The following RASGRP2 variants were observed in gnomAD, a reference collection of about 807,000 sequenced individuals.
The protein encoded by RASGRP2 is RAS guanyl releasing protein 2, also known as RAS guanyl-releasing protein 2.
Under a neutral mutation model 71.0 loss-of-function variants are expected in RASGRP2, and 44 were observed. The ratio of observed to expected loss-of-function variants is 0.62; its 90% CI spans 0.49 to 0.80. RASGRP2 has a LOEUF of 0.80. Ranked by LOEUF, RASGRP2 falls within the 30% of genes least tolerant of loss-of-function variation. The pLI is 0.00. For missense variants in RASGRP2, 663 were observed against 813.4 expected, an observed-to-expected ratio of 0.82 and a Z score of 2.25; for synonymous variants, 350 against 330.7, an observed-to-expected ratio of 1.06 and a Z score of -0.63.
chr11:64,728,197 T>TC (rs1221649229), intron 15 of RASGRP2, among the ~76,000 whole-genome samples: 2 of 152,140 alleles, frequency 1.3e-5, no homozygotes, highest in African/African-American at 4.8e-5. Flanking sequence ...CAAGGGACTT[T>TC]CCCCAGAAGA....
At position 64,739,334 on chromosome 11, in the gene RASGRP2, A is replaced by C; in HGVS notation, c.813+26T>G. 6.4e-7 allele frequency: 1 copy of C among 1,572,898 alleles called. No individual in the cohort carries two copies. The highest frequency in any genetic ancestry group is 8.8e-7 in the Non-Finnish European group (1 of 1,142,516). On this transcript the variant is annotated intron_variant, in intron 8 of 16. Transcript: ENST00000394432. The surrounding 1 kb of genome is among the most constrained non-coding windows in gnomAD (Gnocchi z 4.2). ...CCCAGTGAAGACAGACCTGGGAAGC[A>C]CCGGCCCCTCCCCAGTCCCAGGCAC...
intron 13 of RASGRP2, 65 bp from the exon 14 acceptor site, chr11:64,729,863 C>T: frequency 6.2e-7 from 1 of 1,602,544 alleles, no homozygotes; most frequent in Non-Finnish European, 8.5e-7. Context: ...CTTCTTCCTT[C>T]TTGAGGGTGA....
Position 64,735,423 on chromosome 11 carries a change from C to T in RASGRP2, c.1296+119G>A. The T allele has an allele frequency of 6.4e-7, 1 of 1,570,130 alleles. No homozygotes were observed. The highest frequency in any genetic ancestry group is 8.7e-7 in the Non-Finnish European group (1 of 1,148,730). ...CCCCGTGCAGCTGGCCTGCCAGGCC[C>T]TGTGACTCCTAGGGGCTGAGTGCTG... On this transcript the variant is annotated intron_variant, in intron 11 of 16. Coordinates refer to ENST00000394432, the MANE Select transcript of RASGRP2 (RefSeq NM_001098671.2). The surrounding 1 kb of genome is among the most constrained non-coding windows in gnomAD (Gnocchi z 4.2).
rs757918129 is a variant in RASGRP2 at position 64,741,108 on chromosome 11, G to A, written c.240-29C>T. ...GAGGAGCGGGGAGTCACCCAAGATA[G>A]CCCTTCCCCCACCATCACCCAGCAG... On this transcript the variant is annotated intron_variant, in intron 4 of 16. Coordinates refer to ENST00000394432, the MANE Select transcript of RASGRP2 (RefSeq NM_001098671.2). The A allele has an allele frequency of 1.4e-5, 22 of 1,608,900 alleles. No homozygotes were observed. The East Asian group carries it at 4.9e-4, about 36-fold the overall frequency.
rs1453808928 is a variant in RASGRP2 at position 64,741,487 on chromosome 11, C to T, written c.191G>A (p.Arg64Gln). The change falls in exon 4 of 17, where the codon CGG (arginine) becomes CAG (glutamine). Residue 64 changes from arginine to glutamine, a missense_variant. Physicochemically the swap from Arg to Gln is conservative, Grantham distance 43. Transcript: ENST00000394432. Reference protein sequence around the residue: ...AKLLHIYQQSRKDNSNSLQVK... With the variant: ...AKLLHIYQQSQKDNSNSLQVK... ...CTGCAGGGAATTGGAGTTGTCCTTC[C>T]GGGATTGTTGGTAGGTGAAGGAGAG... 3 of 1,580,788 alleles carry T rather than the reference C, an allele frequency of 1.9e-6. No individual in the cohort carries two copies. Among genetic ancestry groups the T allele is most frequent in the African/African-American group, 1.3e-5 (1 of 74,492 alleles).
intron 8 of RASGRP2, chr11:64,737,362 G>A (rs936898092): frequency 3.7e-5 from 14 of 378,574 alleles, no homozygotes; most frequent in South Asian, 1.7e-4. Flanking sequence ...CAGCCACCCC[G>A]TCCAAACAGC....
chr11:64,728,504 T>G (rs970130974), intron 15 of RASGRP2, among the ~76,000 whole-genome samples: 1 of 152,076 alleles, frequency 6.6e-6, no homozygotes, highest in African/African-American at 2.4e-5. Context: ...CTCGGCTCAC[T>G]GCAAGCCCCG....
chr11:64,731,549 A>G (rs1723057977), intron 12 of RASGRP2, among the ~76,000 whole-genome samples: 1 of 152,180 alleles, frequency 6.6e-6, no homozygotes, highest in African/African-American at 2.4e-5. Context: ...TTGCAAACAC[A>G]TTCAACAGCA....
At position 64,742,641 on chromosome 11, in the gene RASGRP2, G is replaced by A; in HGVS notation, c.73+153C>T. 1.0e-6 allele frequency: 1 copy of A among 987,394 alleles called. No homozygotes were observed. The highest frequency in any genetic ancestry group is 2.6e-5 in the East Asian group (1 of 38,048). 61.2% of individuals were successfully genotyped at this position (987,394 alleles called of 1,614,324 possible). On this transcript the variant is annotated intron_variant, in intron 2 of 16. Coordinates refer to ENST00000394432, the MANE Select transcript of RASGRP2 (RefSeq NM_001098671.2). The surrounding 1 kb of genome is among the most constrained non-coding windows in gnomAD (Gnocchi z 4.7). The stretch of plus-strand genomic sequence containing the variant: ...AAGGGCGTGCATCTCTCTGCCCTGC[G>A]TTGCGGAGGAGGCTTTCGTTAAAGA...
chr11:64,729,836 T>TA, intron 13 of RASGRP2, 38 bp from the exon 14 acceptor site: 1 of 1,611,834 alleles, frequency 6.2e-7, no homozygotes, highest in African/African-American at 1.3e-5. Context: ...AGGAGGGATT[T>TA]AGAGGTGATG....
At chr11:64,730,789 C>T (rs2057740286) in intron 12 of RASGRP2, among the ~76,000 whole-genome samples, 4 of 152,354 alleles carry the variant, frequency 2.6e-5, no homozygotes, top group Non-Finnish European at 2.9e-5. Context: ...TGACCTGTAG[C>T]GGAGTAATCT....
chr11:64,741,961 G>A (rs748988736), intron 3 of RASGRP2, 49 bp downstream of exon 3: 4 of 1,496,738 alleles, frequency 2.7e-6, no homozygotes, highest in Admixed American at 1.8e-5. Flanking sequence ...CAGAGGGGCT[G>A]CGCATGGGCT....
At chr11:64,729,357 A>G (rs1327671321) in intron 14 of RASGRP2, among the ~76,000 whole-genome samples, 1 of 120,050 alleles carries the variant, frequency 8.3e-6, no homozygotes, top group Non-Finnish European at 1.8e-5. Context: ...TTTTTTTTTG[A>G]GACAGAGCCC....
In RASGRP2 at chr11:64,739,397, T is replaced by C. The variant is rs1202874110; in HGVS notation, c.776A>G (p.Lys259Arg). The C allele has an allele frequency of 6.2e-7, 1 of 1,614,158 alleles. No individual in the cohort carries two copies. Among genetic ancestry groups the C allele is most frequent in the Admixed American group, 1.7e-5 (1 of 60,020 alleles). The change falls in exon 8 of 17, where the codon AAG becomes AGG. Residue 259 changes from lysine to arginine, a missense_variant. Lys to Arg is a conservative substitution (Grantham distance 26). Transcript: ENST00000394432. This position sits in a 1 kb window ranked among gnomAD's most constrained non-coding sequence, Gnocchi z 4.2. ...AGGGCTAACGTGGCTGTGGGTCTCC[T>C]TGAGGCGGGAGATGGAGCTGTGGCT... ...GLSHSSISRL[K>R]ETHSHVSPET...
intron 12 of RASGRP2, among the ~76,000 whole-genome samples, chr11:64,732,597 C>T (rs1038501303): frequency 2.0e-5 from 3 of 151,920 alleles, no homozygotes; most frequent in Admixed American, 2.0e-4. Flanking sequence ...GTCGAGACCA[C>T]GGTGAAACCC....
At chr11:64,728,598 T>C (rs1052100813) in intron 15 of RASGRP2, among the ~76,000 whole-genome samples, 6 of 151,988 alleles carry the variant, frequency 3.9e-5, no homozygotes, top group Non-Finnish European at 7.4e-5. Flanking sequence ...TGGCTAATTT[T>C]TTTTTTTTGT....
intron 15 of RASGRP2, among the ~76,000 whole-genome samples, chr11:64,728,024 G>A (rs2057629729): frequency 6.6e-6 from 1 of 152,096 alleles, no homozygotes; most frequent in Non-Finnish European, 1.5e-5. Context: ...GTTTTTTGAG[G>A]ACTTATGCCA....
At position 64,742,366 on chromosome 11, in the gene RASGRP2, G is replaced by A. The variant is rs550412229; in HGVS notation, c.74-254C>T. ...CATCGTCCGGAGGGGAACCAGCTGGGGCGGAAGGAGCCTGGGTTCCCCGGG... is the reference window on the plus strand; with the variant it reads ...CATCGTCCGGAGGGGAACCAGCTGGAGCGGAAGGAGCCTGGGTTCCCCGGG... On this transcript the variant is annotated intron_variant, in intron 2 of 16. Transcript: ENST00000394432. This position sits in a 1 kb window ranked among gnomAD's most constrained non-coding sequence, Gnocchi z 4.7. 4 of 591,972 alleles carry A rather than the reference G, an allele frequency of 6.8e-6. No individual in the cohort carries two copies. The highest frequency in any genetic ancestry group is 1.2e-5 in the Non-Finnish European group (4 of 330,648). 36.7% of individuals were successfully genotyped at this position (591,972 alleles called of 1,614,324 possible).
rs1405966429 is a variant in RASGRP2, at chr11:64,728,928, C to A, written c.1706G>T (p.Ser569Ile). 6.2e-7 allele frequency: 1 copy of A among 1,613,206 alleles called. No homozygotes were observed. The highest frequency in any genetic ancestry group is 1.3e-5 in the African/African-American group (1 of 75,074). Residue 569 changes from serine to isoleucine, a missense_variant, in exon 15 of 17, where the codon AGC (serine) becomes ATC (isoleucine). Transcript: ENST00000394432. ...GSAPSPSPMH[S>I]HHHRAFSFSL... ...GAAGCTGAAGGCGCGGTGATGGTGG[C>A]TGTGCATGGGTGAGGGTGAGGGTGC... is the stretch of plus-strand genomic sequence containing the variant.
Sources: gnomAD v4.1 joint callset for allele counts (sites outside exome capture counted in the v4.1 genomes callset) on GRCh38, gnomAD v4.1.1 for gene constraint, Gnocchi (gnomAD v3.1) non-coding constraint, MANE v1.5 for transcripts, NCBI Gene and HGNC (gene_info 2026-07-23, HGNC 2026-07-21) for gene names.